The following DCBLD2 variants were observed in gnomAD, a reference collection of about 807,000 sequenced individuals.
DCBLD2 encodes discoidin, CUB and LCCL domain-containing protein 2.
Under a neutral mutation model 86.8 loss-of-function variants are expected in DCBLD2, and 54 were observed. The ratio of observed to expected loss-of-function variants is 0.62; its 90% CI spans 0.50 to 0.78. DCBLD2 has a LOEUF of 0.78. DCBLD2 is among the 30% of genes least tolerant of loss of function. The pLI, the probability that DCBLD2 is intolerant of heterozygous loss-of-function variation, is 0.00. For synonymous variants in DCBLD2, 354 were observed against 341.3 expected (o/e 1.04, Z -0.41); for missense variants, 908 against 954.2 (o/e 0.95, Z 0.64).
intron 3 of DCBLD2, among the ~76,000 whole-genome samples, chr3:98,828,269 GCA>G (rs1487673465): frequency 6.6e-6 from 1 of 152,072 alleles, no homozygotes; most frequent in Non-Finnish European, 1.5e-5. Context: ...GAGAAAGATG[GCA>G]CACAGAATGG....
At chr3:98,866,866 C>T (rs1283637670) in intron 2 of DCBLD2, among the ~76,000 whole-genome samples, 2 of 152,228 alleles carry the variant, frequency 1.3e-5, no homozygotes, top group Non-Finnish European at 2.9e-5. Flanking sequence ...TTTAATCCAT[C>T]TTGAATTAGT....
chr3:98,900,151 C>T (rs1423462809), intron 1 of DCBLD2, among the ~76,000 whole-genome samples: 3 of 152,130 alleles, frequency 2.0e-5, no homozygotes, highest in African/African-American at 4.8e-5. Flanking sequence ...TAATGACAGG[C>T]CATGATTCCA....
At position 98,853,195 on chromosome 3, in the gene DCBLD2, C is replaced by T. The variant is rs140147867; in HGVS notation, c.434-3597G>A. On this transcript the variant is annotated intron_variant, in intron 2 of 15. Coordinates refer to ENST00000326840, the MANE Select transcript of DCBLD2 (RefSeq NM_080927.4). ...ATTGATGGCTCAGGACCCAAATTAGCCCACAGGCCTCTTGGTCTGTACAGC... is the reference window on the plus strand; with the variant it reads ...ATTGATGGCTCAGGACCCAAATTAGTCCACAGGCCTCTTGGTCTGTACAGC... Among the ~76,000 whole-genome samples the T allele has an allele frequency of 2.5e-3, 378 of 152,294 alleles. 7 individuals carry two copies. Among genetic ancestry groups the T allele is most frequent in the African/African-American group, 8.9e-3 (368 of 41,552 alleles).
intron 8 of DCBLD2, among the ~76,000 whole-genome samples, chr3:98,818,835 T>C (rs278386): frequency 0.97 from 147,946 of 152,266 alleles, 72,032 homozygotes; most frequent in East Asian, 1. Flanking sequence ...GCTGCACTGT[T>C]GGCTTCCCTA....
intron 6 of DCBLD2, 83 bp from the exon 7 acceptor site, chr3:98,820,371 G>T: frequency 9.4e-7 from 1 of 1,059,244 alleles, no homozygotes; most frequent in Non-Finnish European, 1.3e-6. Flanking sequence ...CTTTTGATTT[G>T]GTTCCCCCCA....
intron 3 of DCBLD2, among the ~76,000 whole-genome samples, chr3:98,833,834 G>A (rs1942370116): frequency 6.6e-6 from 1 of 152,234 alleles, no homozygotes; most frequent in African/African-American, 2.4e-5. Flanking sequence ...CCTCCCAGTG[G>A]GAGCTCTGTC....
intron 3 of DCBLD2, among the ~76,000 whole-genome samples, chr3:98,832,917 T>A (rs1373060736): frequency 6.6e-6 from 1 of 152,184 alleles, no homozygotes; most frequent in Non-Finnish European, 1.5e-5. Flanking sequence ...CTTGGGGAGA[T>A]CTTGTGTAGA....
intron 8 of DCBLD2, 40 bp downstream of exon 8, chr3:98,819,161 TA>T: frequency 1.3e-6 from 2 of 1,507,760 alleles, no homozygotes; most frequent in Non-Finnish European, 1.8e-6. Context: ...TCAAATAAAA[TA>T]AGTGTTACAA....
At chr3:98,811,146 G>T in intron 12 of DCBLD2, 48 bp downstream of exon 12, 1 of 1,495,620 alleles carries the variant, frequency 6.7e-7, no homozygotes, top group South Asian at 1.4e-5. Flanking sequence ...CTTCAGTTAA[G>T]AACAAAACAA....
rs1313764081 is a variant in DCBLD2 at position 98,797,407 on chromosome 3, T to C, written c.*1965A>G. The stretch of plus-strand genomic sequence containing the variant: ...AAATAGTTACCAAAAACATCTCTCT[T>C]AAAGCTTCAAACAGGTATATTACTT... On this transcript the variant is annotated 3_prime_UTR_variant, in exon 16 of 16. Transcript: ENST00000326840. 1 of 152,538 alleles carries C rather than the reference T, an allele frequency of 6.6e-6. No homozygotes were observed. Among genetic ancestry groups the C allele is most frequent in the Non-Finnish European group, 1.5e-5 (1 of 68,006 alleles). The allele number at this position is 152,538 out of a possible 1,614,324, so 9.4% of individuals were successfully genotyped here. A position where few individuals can be genotyped will look rare whatever the true frequency, so the allele number is the denominator to read the frequency against.
At chr3:98,889,438 T>TA (rs781490066) in intron 1 of DCBLD2, among the ~76,000 whole-genome samples, 129 of 150,762 alleles carry the variant, frequency 8.6e-4, no homozygotes, top group African/African-American at 2.3e-3. Context: ...GGAAATAGGG[T>TA]AAAAAAAAAG....
At chr3:98,849,421 A>G (rs756318408) in intron 3 of DCBLD2, 40 bp downstream of exon 3, 2 of 1,612,368 alleles carry the variant, frequency 1.2e-6, no homozygotes, top group Non-Finnish European at 1.7e-6. Flanking sequence ...GTTGTTAGAA[A>G]TTACAAACTG....
At chr3:98,839,643 G>A (rs1942583133) in intron 3 of DCBLD2, among the ~76,000 whole-genome samples, 1 of 152,146 alleles carries the variant, frequency 6.6e-6, no homozygotes, top group South Asian at 2.1e-4. Flanking sequence ...TATTTAATAA[G>A]CATGTGTTAT....
At chr3:98,840,697 T>C (rs1273725375) in intron 3 of DCBLD2, among the ~76,000 whole-genome samples, 1 of 152,120 alleles carries the variant, frequency 6.6e-6, no homozygotes, top group Non-Finnish European at 1.5e-5. Context: ...GGGGTCTCAC[T>C]ACCTTTCTGG....
intron 1 of DCBLD2, among the ~76,000 whole-genome samples, chr3:98,895,715 G>C (rs1943740778): frequency 6.6e-6 from 1 of 152,066 alleles, no homozygotes; most frequent in South Asian, 2.1e-4. Flanking sequence ...GGAGTGGTGA[G>C]TTCTCTCTGC....
At position 98,825,483 on chromosome 3, in the gene DCBLD2, A is replaced by G. The variant is rs1355712966; in HGVS notation, c.572-117T>C. On this transcript the variant is annotated intron_variant, in intron 3 of 15. Coordinates refer to ENST00000326840, the MANE Select transcript of DCBLD2 (RefSeq NM_080927.4). Reference sequence around the variant, plus strand: ...TCTAATTTTCAAAAATCTCAATGGCACTGTCAAAGTGGTACTAAAAACTTT... The same window carrying G: ...TCTAATTTTCAAAAATCTCAATGGCGCTGTCAAAGTGGTACTAAAAACTTT... 56 of 740,956 alleles carry G rather than the reference A, an allele frequency of 7.6e-5. 1 individual carries two copies. In the East Asian group the frequency reaches 1.8e-3, roughly 24 times the overall value. The allele number at this position is 740,956 out of a possible 1,614,324, so 45.9% of individuals were successfully genotyped here. A position where few individuals can be genotyped will look rare whatever the true frequency, so the allele number is the denominator to read the frequency against.
chr3:98,893,230 C>G (rs1172902018), intron 1 of DCBLD2, among the ~76,000 whole-genome samples: 2 of 151,978 alleles, frequency 1.3e-5, no homozygotes, highest in African/African-American at 4.8e-5. Flanking sequence ...CAGATTCAAT[C>G]CCAGCCCTCG....
chr3:98,800,571 A>G lies in DCBLD2; in HGVS notation c.1858+8T>C. The G allele has an allele frequency of 1.2e-6, 2 of 1,610,894 alleles. No homozygotes were observed. The highest frequency in any genetic ancestry group is 3.3e-5 in the Admixed American group (2 of 59,724). On this transcript the variant is annotated splice_region_variant and intron_variant, in intron 15 of 15. Coordinates refer to ENST00000326840, the MANE Select transcript of DCBLD2 (RefSeq NM_080927.4). ...CTGCCTGGTACCAGAAGGCTGCAACATAGTTACCTGCAGAGTCAGCCTGCA... is the reference window on the plus strand; with the variant it reads ...CTGCCTGGTACCAGAAGGCTGCAACGTAGTTACCTGCAGAGTCAGCCTGCA...
Position 98,812,420 on chromosome 3 carries a change from A to C in DCBLD2, c.1275T>G (p.Ile425Met). 6.2e-7 allele frequency: 1 copy of C among 1,613,496 alleles called. No homozygotes were observed. The highest frequency in any genetic ancestry group is 8.5e-7 in the Non-Finnish European group (1 of 1,179,630). ...TAGGATTCACTCTAATAAAACGTGC[A>C]ATAATTGGTGGCAAAAAGTTATTAC... Reference protein sequence around the residue: ...DVRNNFLPPIIARFIRVNPTQ... With the variant: ...DVRNNFLPPIMARFIRVNPTQ... The change falls in exon 10 of 16, where the codon ATT becomes ATG. Residue 425 changes from isoleucine to methionine, a missense_variant. Physicochemically the swap from Ile to Met is conservative, Grantham distance 10. Coordinates refer to ENST00000326840, the MANE Select transcript of DCBLD2 (RefSeq NM_080927.4).
Sources: allele counts gnomAD v4.1 joint callset (sites outside exome capture counted in the v4.1 genomes callset), GRCh38; gene constraint gnomAD v4.1.1; transcripts MANE v1.5; gene names NCBI Gene and HGNC (gene_info 2026-07-23, HGNC 2026-07-21).